NSUN6: variants seen among roughly 807,000 people sequenced by gnomAD.
NSUN6 encodes the protein NOP2/Sun RNA methyltransferase 6.
A neutral mutation model predicts 58.0 loss-of-function variants in NSUN6; 64 were observed. The ratio of observed to expected loss-of-function variants is 1.10; its 90% CI spans 0.90 to 1.36. NSUN6 has a LOEUF of 1.36. Among genes scored for constraint, NSUN6 ranks in the 40% most tolerant of loss-of-function variants. NSUN6 has a pLI of 0.00. For synonymous variants in NSUN6, 231 were observed against 193.9 expected (o/e 1.19, Z -1.59); for missense variants, 701 against 550.1 (o/e 1.27, Z -2.74).
chr10:18,646,780 A>T (rs960820618), intron 2 of NSUN6, among the ~76,000 whole-genome samples: 2 of 152,198 alleles, frequency 1.3e-5, no homozygotes, highest in African/African-American at 4.8e-5. Flanking sequence ...GCAGTGAGCC[A>T]AGATCGTGCC....
At chr10:18,591,942 A>T (rs917002894) in intron 7 of NSUN6, among the ~76,000 whole-genome samples, 5 of 152,186 alleles carry the variant, frequency 3.3e-5, no homozygotes, top group African/African-American at 1.2e-4. Flanking sequence ...CTGTTTGCAG[A>T]TGACATGACT....
At chr10:18,582,075 A>G (rs2056928300) in intron 8 of NSUN6, among the ~76,000 whole-genome samples, 1 of 152,106 alleles carries the variant, frequency 6.6e-6, no homozygotes, top group Non-Finnish European at 1.5e-5. Context: ...AGTCCCTAGG[A>G]GGTCATATAC....
intron 8 of NSUN6, among the ~76,000 whole-genome samples, chr10:18,568,585 C>T (rs2056135620): frequency 6.6e-6 from 1 of 150,430 alleles, no homozygotes. Flanking sequence ...CTTTCCATTG[C>T]ATTCCATTCC....
chr10:18,653,234 G>A (rs2131619054), upstream of NSUN6: 1 of 984,344 alleles, frequency 1.0e-6, no homozygotes, highest in South Asian at 4.7e-5. Context: ...AATCCATAAT[G>A]GGCACTCAAA....
chr10:18,589,990 G>A (rs1358846376), intron 7 of NSUN6, among the ~76,000 whole-genome samples: 4 of 151,970 alleles, frequency 2.6e-5, no homozygotes, highest in East Asian at 1.9e-4. Context: ...AAGACCCATC[G>A]GTGTGCTGTA....
At chr10:18,622,506 G>C (rs1353995420) in intron 3 of NSUN6, among the ~76,000 whole-genome samples, 2 of 152,168 alleles carry the variant, frequency 1.3e-5, no homozygotes, top group African/African-American at 2.4e-5. Flanking sequence ...CTGAGGTCAG[G>C]AGTTCGAGAC....
chr10:18,636,239 A>G (rs1176386239), intron 3 of NSUN6, among the ~76,000 whole-genome samples: 2 of 152,046 alleles, frequency 1.3e-5, no homozygotes, highest in Non-Finnish European at 2.9e-5. Flanking sequence ...GTACTCACCA[A>G]CAAAGACATT....
At chr10:18,622,231 T>C (rs1431470029) in intron 3 of NSUN6, among the ~76,000 whole-genome samples, 1 of 152,192 alleles carries the variant, frequency 6.6e-6, no homozygotes, top group Admixed American at 6.5e-5. Context: ...AGTGCCTTTA[T>C]ACGAGACCAA....
At chr10:18,633,594 G>C (rs1261842255) in intron 3 of NSUN6, among the ~76,000 whole-genome samples, 1 of 151,946 alleles carries the variant, frequency 6.6e-6, no homozygotes, top group East Asian at 1.9e-4. Flanking sequence ...GCTCCTGGAG[G>C]CCTAATCAAA....
chr10:18,575,845 G>C (rs955056728), intron 8 of NSUN6, among the ~76,000 whole-genome samples: 1 of 152,208 alleles, frequency 6.6e-6, no homozygotes, highest in South Asian at 2.1e-4. Flanking sequence ...TTATATACTT[G>C]GTCTATTTTC....
intron 1 of NSUN6, 32 bp from the exon 2 acceptor site, chr10:18,648,677 G>A: frequency 7.3e-7 from 1 of 1,367,154 alleles, no homozygotes. Flanking sequence ...AATTTCCTGA[G>A]AATTAAAAAC....
chr10:18,552,838 C>T lies in NSUN6; in HGVS notation c.923-867G>A, dbSNP rs2054694725. Among the ~76,000 whole-genome samples the T allele has an allele frequency of 2.0e-5, 3 of 151,644 alleles. No individual in the cohort carries two copies. The South Asian group carries it at 6.3e-4, about 32-fold the overall frequency. On this transcript the variant is annotated intron_variant, in intron 8 of 10. Transcript: ENST00000377304. ...ATCAATTCCATGCTCCATTACATTC[C>T]ATTCTACACTACACTGCATTCCACA...
intron 8 of NSUN6, among the ~76,000 whole-genome samples, chr10:18,573,731 C>T (rs1412357036): frequency 2.0e-5 from 3 of 152,084 alleles, no homozygotes; most frequent in Non-Finnish European, 2.9e-5. Flanking sequence ...AAAAAGAAAG[C>T]TTCAGTATGT....
chr10:18,555,576 G>A (rs1019364534), intron 8 of NSUN6, among the ~76,000 whole-genome samples: 33 of 149,684 alleles, frequency 2.2e-4, no homozygotes, highest in Admixed American at 2.0e-4. Flanking sequence ...ATGGAATGGA[G>A]AATGGAATGA....
chr10:18,573,847 A>T (rs924623724), intron 8 of NSUN6, among the ~76,000 whole-genome samples: 1 of 152,136 alleles, frequency 6.6e-6, no homozygotes, highest in Admixed American at 6.6e-5. Context: ...CTCAAACTAA[A>T]CAAGAACTCG....
chr10:18,634,393 A>G (rs1317422823), intron 3 of NSUN6, among the ~76,000 whole-genome samples: 2 of 152,148 alleles, frequency 1.3e-5, no homozygotes, highest in African/African-American at 4.8e-5. Flanking sequence ...CACAGACAAG[A>G]TAAAACTTAT....
intron 8 of NSUN6, among the ~76,000 whole-genome samples, chr10:18,563,600 A>C (rs1391449181): frequency 6.6e-6 from 1 of 150,924 alleles, no homozygotes; most frequent in Non-Finnish European, 1.5e-5. Flanking sequence ...TCTCCATTCC[A>C]TTCCATTGCT....
At chr10:18,559,553 C>T (rs201815213) in intron 8 of NSUN6, among the ~76,000 whole-genome samples, 2 of 124,524 alleles carry the variant, frequency 1.6e-5, no homozygotes, top group Non-Finnish European at 3.4e-5. Context: ...AGAATAGAAA[C>T]GAATTGAATG....
Position 18,645,157 on chromosome 10 carries a change from C to CA in NSUN6, c.232-2603dup, listed in dbSNP as rs71402191. Among the ~76,000 whole-genome samples the CA allele has an allele frequency of 9.5e-3, 1,007 of 106,024 alleles. 17 individuals carry two copies. Among genetic ancestry groups the CA allele is most frequent in the African/African-American group, 0.025 (720 of 28,696 alleles). The allele number at this position is 106,024 out of a possible 152,430, so 69.6% of individuals were successfully genotyped here. A position where few individuals can be genotyped will look rare whatever the true frequency, so the allele number is the denominator to read the frequency against. On this transcript the variant is annotated intron_variant, in intron 2 of 10. Transcript: ENST00000377304. ...TGGCTGACAGAGCGAGACTCCCTCT[C>CA]AAAAAAAAAAAAAAAAAAAAAGAAA... is the stretch of plus-strand genomic sequence containing the variant.
Sources: gnomAD v4.1 joint callset for allele counts (sites outside exome capture counted in the v4.1 genomes callset) on GRCh38, gnomAD v4.1.1 for gene constraint, MANE v1.5 for transcripts, NCBI Gene and HGNC (gene_info 2026-07-23, HGNC 2026-07-21) for gene names.